The following PALM2AKAP2 variants were observed in gnomAD, a reference collection of about 807,000 sequenced individuals.
PALM2AKAP2 encodes the protein PALM2 and AKAP2 fusion, also known as PALM2-AKAP2 fusion protein.
A neutral mutation model predicts 71.5 loss-of-function variants in PALM2AKAP2; 37 were observed. That is an observed-to-expected ratio of 0.52 (90% confidence interval 0.40 to 0.68). The LOEUF is 0.68. Ranked by LOEUF, PALM2AKAP2 falls within the 30% of genes least tolerant of loss-of-function variation. The pLI is 0.00. For synonymous variants in PALM2AKAP2, 468 were observed against 478.8 expected (o/e 0.98, Z 0.29); for missense variants, 1,224 against 1,191.8 (o/e 1.03, Z -0.40).
At position 109,884,773 on chromosome 9, in the gene PALM2AKAP2, A is replaced by G. The variant is rs571391904; in HGVS notation, c.257+4092A>G. Among the ~76,000 whole-genome samples the G allele has an allele frequency of 3.3e-5, 5 of 152,342 alleles. No individual in the cohort carries two copies. The South Asian group carries it at 1.0e-3, about 32-fold the overall frequency. On this transcript the variant is annotated intron_variant, in intron 3 of 9. Coordinates refer to the PALM2AKAP2 transcript ENST00000302798. ...GATACATAAACTGGTTGCAAACTAT[A>G]AAGTATATTAGTACAGTTGTGCCCT...
intron 6 of PALM2AKAP2, among the ~76,000 whole-genome samples, chr9:109,934,943 T>C (rs1311327305): frequency 6.6e-6 from 1 of 152,252 alleles, no homozygotes; most frequent in Non-Finnish European, 1.5e-5. Flanking sequence ...GCTATGACTA[T>C]TAAATTTCTT....
Position 110,011,014 on chromosome 9 carries a change from AAT to A in PALM2AKAP2, c.497-4918_497-4917del, listed in dbSNP as rs1554737804. On this transcript the variant is annotated intron_variant, in intron 6 of 9. Transcript: ENST00000302798. Reference sequence around the variant, plus strand: ...TCTGTCTCAAAAAAAAAAAAAAAAAAATATATATATATATATATATATACTTT... The same window carrying A: ...TCTGTCTCAAAAAAAAAAAAAAAAAAATATATATATATATATATATACTTT... Among the ~76,000 whole-genome samples the A allele has an allele frequency of 1.7e-3, 121 of 69,580 alleles. 3 individuals are homozygous for A. The highest frequency in any genetic ancestry group is 0.013 in the Middle Eastern group (1 of 80). 45.6% of individuals were successfully genotyped at this position (69,580 alleles called of 152,430 possible).
At chr9:109,663,296 T>C (rs930433450) in intron 1 of PALM2AKAP2, among the ~76,000 whole-genome samples, 3 of 152,222 alleles carry the variant, frequency 2.0e-5, no homozygotes, top group Non-Finnish European at 4.4e-5. Flanking sequence ...TGATTTTAGA[T>C]CTTTCCTGCT....
chr9:109,793,231 C>T (rs1162078968), intron 1 of PALM2AKAP2, among the ~76,000 whole-genome samples: 2 of 152,174 alleles, frequency 1.3e-5, no homozygotes, highest in African/African-American at 4.8e-5. Flanking sequence ...AATATGTGCT[C>T]AAGGAAGGAG....
At chr9:110,146,054 G>A (rs369550564) in intron 2 of PALM2AKAP2, among the ~76,000 whole-genome samples, 18 of 151,464 alleles carry the variant, frequency 1.2e-4, no homozygotes, top group African/African-American at 3.9e-4. Flanking sequence ...GCCCACCACC[G>A]CGTCCAGCTA....
chr9:110,127,876 A>C (rs1835649248), intron 1 of PALM2AKAP2: 1 of 152,100 alleles, frequency 6.6e-6, no homozygotes, highest in Non-Finnish European at 1.5e-5. Context: ...TCTTATGGGA[A>C]CTGGTACTCA....
intron 1 of PALM2AKAP2, among the ~76,000 whole-genome samples, chr9:110,108,505 T>G (rs1835169361): frequency 6.6e-6 from 1 of 152,216 alleles, no homozygotes; most frequent in African/African-American, 2.4e-5. Context: ...GGGTAGTTAT[T>G]CTACTACCCT....
intron 1 of PALM2AKAP2, among the ~76,000 whole-genome samples, chr9:110,082,897 G>T (rs1369907854): frequency 3.3e-5 from 5 of 152,218 alleles, no homozygotes; most frequent in African/African-American, 1.2e-4. Flanking sequence ...ATCCCAGCAC[G>T]TTGGGAGGCT....
chr9:109,983,273 G>C (rs1832309553), intron 6 of PALM2AKAP2, among the ~76,000 whole-genome samples: 2 of 152,218 alleles, frequency 1.3e-5, no homozygotes, highest in Admixed American at 6.5e-5. Context: ...TGGTTAAAGA[G>C]TTGGTTTTTG....
In PALM2AKAP2 at chr9:109,840,746, A is replaced by T. The variant is rs143196044; in HGVS notation, c.46-26745A>T. Among the ~76,000 whole-genome samples, 407 of 152,376 alleles carry T rather than the reference A, an allele frequency of 2.7e-3. 1 individual carries two copies. The highest frequency in any genetic ancestry group is 8.9e-3 in the African/African-American group (371 of 41,590). On this transcript the variant is annotated intron_variant, in intron 1 of 9. Transcript: ENST00000302798. ...ACTTCTCAAAAGAAGACATTTATGC[A>T]GCCAAAAGACACATGAAAAAATGCT... is the stretch of plus-strand genomic sequence containing the variant.
chr9:109,968,255 A>G (rs1047061372), intron 6 of PALM2AKAP2, among the ~76,000 whole-genome samples: 1 of 152,160 alleles, frequency 6.6e-6, no homozygotes, highest in East Asian at 1.9e-4. Context: ...CCTGCTTTGC[A>G]ACTTGAGGCC....
intron 1 of PALM2AKAP2, among the ~76,000 whole-genome samples, chr9:110,132,136 C>A (rs1031892711): frequency 6.6e-6 from 1 of 151,868 alleles, no homozygotes; most frequent in Non-Finnish European, 1.5e-5. Flanking sequence ...ACTGCAACTT[C>A]CTCCTCCCAG....
At chr9:110,125,419 G>T (rs1835578773) in intron 1 of PALM2AKAP2, 11 of 870,324 alleles carry the variant, frequency 1.3e-5, no homozygotes, top group South Asian at 5.3e-5. Flanking sequence ...GGAGGTTAAA[G>T]TCCTTCTTTG....
At chr9:109,705,262 G>A (rs879069600) in intron 1 of PALM2AKAP2, among the ~76,000 whole-genome samples, 2 of 151,956 alleles carry the variant, frequency 1.3e-5, no homozygotes, top group African/African-American at 4.8e-5. Flanking sequence ...CCACTTAATC[G>A]CCTTTTCCAA....
chr9:110,072,661 T>C (rs1834230053), intron 1 of PALM2AKAP2, among the ~76,000 whole-genome samples: 1 of 152,152 alleles, frequency 6.6e-6, no homozygotes. Context: ...GCAGTGTTCA[T>C]AGGGCATAAA....
intron 1 of PALM2AKAP2, among the ~76,000 whole-genome samples, chr9:109,733,066 T>C (rs1828580312): frequency 6.6e-6 from 1 of 152,114 alleles, no homozygotes; most frequent in African/African-American, 2.4e-5. Context: ...CTATAGGGGC[T>C]GGGAAGCCAT....
At chr9:110,148,692 G>A (rs1836237771) in intron 2 of PALM2AKAP2, 1 of 152,232 alleles carries the variant, frequency 6.6e-6, no homozygotes, top group Non-Finnish European at 1.5e-5. Flanking sequence ...CCTGGCTTAG[G>A]CATGTCCTCT....
intron 1 of PALM2AKAP2, among the ~76,000 whole-genome samples, chr9:109,781,940 T>A (rs1175648161): frequency 6.6e-6 from 1 of 152,232 alleles, no homozygotes; most frequent in South Asian, 2.1e-4. Context: ...ATTGAGTTAA[T>A]GGTGCCATGT....
intron 1 of PALM2AKAP2, among the ~76,000 whole-genome samples, chr9:109,851,175 T>TCAAAAACAA (rs1554720621): frequency 2.3e-5 from 3 of 130,136 alleles, no homozygotes; most frequent in African/African-American, 3.3e-5. Context: ...AGACTCCGTC[T>TCAAAAACAA]CAACAACAAC....
Sources: gnomAD v4.1 joint callset for allele counts (sites outside exome capture counted in the v4.1 genomes callset) on GRCh38, gnomAD v4.1.1 for gene constraint, MANE v1.5 for transcripts, NCBI Gene and HGNC (gene_info 2026-07-23, HGNC 2026-07-21) for gene names.